The following ZFYVE1 variants were observed in gnomAD, a reference collection of about 807,000 sequenced individuals.
The protein encoded by ZFYVE1 is zinc finger FYVE-type containing 1.
ZFYVE1 carries 30 observed loss-of-function variants against 74.4 expected under a neutral mutation model. The ratio of observed to expected loss-of-function variants is 0.40; its 90% CI spans 0.30 to 0.55. The LOEUF (loss-of-function observed/expected upper bound fraction) is 0.55. ZFYVE1 is among the 20% of genes least tolerant of loss of function. The pLI, the probability that ZFYVE1 is intolerant of heterozygous loss-of-function variation, is 0.42. For missense variants in ZFYVE1, 703 were observed against 1,011.6 expected, an observed-to-expected ratio of 0.69 and a Z score of 4.14; for synonymous variants, 335 against 385.1, an observed-to-expected ratio of 0.87 and a Z score of 1.52.
chr14:72,972,709 CTTTTT>C (rs764679644), intron 11 of ZFYVE1, among the ~76,000 whole-genome samples: 1 of 140,320 alleles, frequency 7.1e-6, no homozygotes, highest in Non-Finnish European at 1.6e-5. Flanking sequence ...TTTAAATCTT[CTTTTT>C]TTTTTTTTTT....
At chr14:72,985,888 T>C (rs1041969530) in intron 4 of ZFYVE1, among the ~76,000 whole-genome samples, 11 of 152,136 alleles carry the variant, frequency 7.2e-5, no homozygotes, top group South Asian at 2.1e-4. Flanking sequence ...GCTGGGATTA[T>C]AGGCGTGAGC....
At chr14:72,981,601 A>G (rs1893331789) in intron 5 of ZFYVE1, among the ~76,000 whole-genome samples, 188 bp downstream of exon 5, 2 of 152,292 alleles carry the variant, frequency 1.3e-5, no homozygotes, top group South Asian at 4.1e-4. Context: ...CTACCTCAGA[A>G]GTGTGGTTCC....
intron 2 of ZFYVE1, among the ~76,000 whole-genome samples, chr14:73,013,460 T>C (rs1894128919): frequency 1.3e-5 from 2 of 151,976 alleles, no homozygotes; most frequent in Non-Finnish European, 2.9e-5. Context: ...ATGCAAAAAT[T>C]AGCCGGGCAT....
chr14:72,985,766 T>G (rs953696284), intron 4 of ZFYVE1, among the ~76,000 whole-genome samples: 1 of 149,340 alleles, frequency 6.7e-6, no homozygotes, highest in Non-Finnish European at 1.5e-5. Context: ...AAAAAAAGAA[T>G]AGCAAATTAT....
chr14:73,003,055 T>TTTTC (rs1282903371), intron 2 of ZFYVE1, among the ~76,000 whole-genome samples: 104 of 19,528 alleles, frequency 5.3e-3, no homozygotes, highest in Admixed American at 6.2e-3. Flanking sequence ...TTTTCTTTTC[T>TTTTC]TTTTTTTTTT....
intron 11 of ZFYVE1, among the ~76,000 whole-genome samples, chr14:72,972,844 A>T (rs1285287660): frequency 5.9e-5 from 9 of 151,594 alleles, no homozygotes; most frequent in Non-Finnish European, 1.5e-5. Context: ...AGTAGCTGGG[A>T]CTACAGGTGC....
chr14:72,975,931 A>G lies in ZFYVE1; in HGVS notation c.1636-210T>C. On this transcript the variant is annotated intron_variant, in intron 8 of 11. Coordinates refer to ENST00000556143, the MANE Select transcript of ZFYVE1 (RefSeq NM_021260.4). This position sits in a 1 kb window ranked among gnomAD's most constrained non-coding sequence, Gnocchi z 4.1. The stretch of plus-strand genomic sequence containing the variant: ...TTGATGTGTAGCTGTTCAATTCAGG[A>G]CTTACTAAGCCCATATAATACAGGA... The G allele has an allele frequency of 1.7e-6, 1 of 590,566 alleles. No homozygotes were observed. Among genetic ancestry groups the G allele is most frequent in the South Asian group, 2.2e-5 (1 of 46,142 alleles). The allele number at this position is 590,566 out of a possible 1,614,324, so 36.6% of individuals were successfully genotyped here.
intron 2 of ZFYVE1, among the ~76,000 whole-genome samples, chr14:73,015,406 G>T (rs1167642514): frequency 3.9e-5 from 2 of 51,908 alleles, no homozygotes; most frequent in African/African-American, 1.2e-4. Flanking sequence ...GGAAGGAAGG[G>T]GGGGGAAGGA....
intron 5 of ZFYVE1, among the ~76,000 whole-genome samples, chr14:72,980,529 A>AT (rs1567347183): frequency 1.8e-3 from 169 of 95,976 alleles, no homozygotes; most frequent in African/African-American, 5.9e-3. Context: ...TCACCTGAGA[A>AT]TTAATTAATT....
intron 2 of ZFYVE1, among the ~76,000 whole-genome samples, chr14:73,016,331 G>A (rs1225161460): frequency 6.6e-6 from 1 of 152,146 alleles, no homozygotes. Flanking sequence ...ATAACACGGT[G>A]AAACCCCGTC....
At chr14:72,991,440 C>T (rs868571593) in intron 4 of ZFYVE1, among the ~76,000 whole-genome samples, 3 of 152,166 alleles carry the variant, frequency 2.0e-5, no homozygotes, top group Non-Finnish European at 4.4e-5. Flanking sequence ...CCGCCCGCCT[C>T]GGCTTCCCAA....
intron 4 of ZFYVE1, among the ~76,000 whole-genome samples, chr14:72,982,988 C>T (rs1893377083): frequency 6.6e-6 from 1 of 152,064 alleles, no homozygotes; most frequent in African/African-American, 2.4e-5. Flanking sequence ...GGATTACAGG[C>T]ACCCACCACC....
chr14:72,986,804 A>T, intron 4 of ZFYVE1: 1 of 869,192 alleles, frequency 1.2e-6, no homozygotes, highest in Non-Finnish European at 1.4e-6. Context: ...TGTTGGGATT[A>T]CAGGCGTGAG....
intron 4 of ZFYVE1, chr14:72,987,066 G>C: frequency 1.7e-6 from 1 of 602,428 alleles, no homozygotes. Flanking sequence ...CTTGACAACA[G>C]TGTGGCTCTT....
At chr14:72,978,711 T>C (rs1343730991) in intron 6 of ZFYVE1, 150 bp downstream of exon 6, 1 of 651,718 alleles carries the variant, frequency 1.5e-6, no homozygotes, top group Non-Finnish European at 2.7e-6. Flanking sequence ...TGAGTGCTTT[T>C]TGTTAGAGCT....
chr14:72,979,107 A>G lies in ZFYVE1; in HGVS notation c.1311-138T>C. 4 of 732,212 alleles carry G rather than the reference A, an allele frequency of 5.5e-6. No individual in the cohort carries two copies. The Admixed American group carries it at 6.2e-5, about 11-fold the overall frequency. The allele number at this position is 732,212 out of a possible 1,614,324, so 45.4% of individuals were successfully genotyped here. A position where few individuals can be genotyped will look rare whatever the true frequency, so the allele number is the denominator to read the frequency against. ...ACTGGGCCTCAGATGCTGAACACAG[A>G]AAGGGTAGCCGGAAACCCACATGCC... On this transcript the variant is annotated intron_variant, in intron 5 of 11. Transcript: ENST00000556143.
intron 2 of ZFYVE1, among the ~76,000 whole-genome samples, chr14:73,009,463 T>C (rs184221083): frequency 8.7e-4 from 132 of 152,092 alleles, no homozygotes; most frequent in African/African-American, 9.6e-4. Context: ...AAGTAAAAGC[T>C]CTCCTTAGGG....
rs141771400 is a variant in ZFYVE1, at chr14:73,000,522, T to G, written c.484-2207A>C. On this transcript the variant is annotated intron_variant, in intron 2 of 11. Transcript: ENST00000556143. ...AGGAGGCTGAAGCAAGAGGATCGTT[T>G]GAGCTCAGGAGTTCGAGGCTACAGT... is the stretch of plus-strand genomic sequence containing the variant. Among the ~76,000 whole-genome samples, 49 of 152,028 alleles carry G rather than the reference T, an allele frequency of 3.2e-4. No individual in the cohort carries two copies. In the East Asian group the frequency reaches 8.7e-3, roughly 27 times the overall value.
chr14:72,970,070 G>A lies in ZFYVE1; in HGVS notation c.*812C>T, dbSNP rs1300350261. 1.9e-5 allele frequency: 6 copies of A among 324,258 alleles called. No individual in the cohort carries two copies. Among genetic ancestry groups the A allele is most frequent in the Admixed American group, 4.7e-5 (1 of 21,420 alleles). 20.1% of individuals were successfully genotyped at this position (324,258 alleles called of 1,614,324 possible). ...TGCTTCGATTGAGGAGCTGGGTGCC[G>A]CCTTTTGGGAAAGCCGAGTGGAGAC... On this transcript the variant is annotated 3_prime_UTR_variant, in exon 12 of 12. Coordinates refer to ENST00000556143, the MANE Select transcript of ZFYVE1 (RefSeq NM_021260.4).
Sources: gnomAD v4.1 joint callset for allele counts (sites outside exome capture counted in the v4.1 genomes callset) on GRCh38, gnomAD v4.1.1 for gene constraint, Gnocchi (gnomAD v3.1) non-coding constraint, MANE v1.5 for transcripts, NCBI Gene and HGNC (gene_info 2026-07-23, HGNC 2026-07-21) for gene names.